C10orf90: variants seen among roughly 807,000 people sequenced by gnomAD.
C10orf90 encodes the protein (E2-independent) E3 ubiquitin-conjugating enzyme FATS.
A neutral mutation model predicts 62.5 loss-of-function variants in C10orf90; 56 were observed. That is an observed-to-expected ratio of 0.90 (90% CI 0.72 to 1.12). C10orf90 has a LOEUF of 1.12. Among genes scored for constraint, C10orf90 ranks in the 50% most tolerant of loss-of-function variants. The pLI is 0.00. For synonymous variants in C10orf90, 386 were observed against 340.4 expected (o/e 1.13, Z -1.47); for missense variants, 970 against 880.4 (o/e 1.10, Z -1.29).
chr10:126,619,312 C>T (rs1226721000), intron 2 of C10orf90, among the ~76,000 whole-genome samples: 3 of 152,186 alleles, frequency 2.0e-5, no homozygotes, highest in Non-Finnish European at 2.9e-5. Flanking sequence ...GGAATATACA[C>T]GGGTGTTGAA....
intron 2 of C10orf90, among the ~76,000 whole-genome samples, chr10:126,637,176 T>A (rs1366873796): frequency 6.6e-6 from 1 of 152,134 alleles, no homozygotes; most frequent in African/African-American, 2.4e-5. Context: ...GACAGACTGA[T>A]GGAGTCAGAG....
At chr10:126,635,584 C>T (rs749077950) in intron 2 of C10orf90, among the ~76,000 whole-genome samples, 5 of 152,200 alleles carry the variant, frequency 3.3e-5, no homozygotes, top group South Asian at 2.1e-4. Flanking sequence ...TCCAGATTAA[C>T]GAGATGCAAT....
chr10:126,536,666 C>T (rs972829041), intron 2 of C10orf90, among the ~76,000 whole-genome samples: 1 of 152,182 alleles, frequency 6.6e-6, no homozygotes, highest in East Asian at 1.9e-4. Context: ...CTTCCATGAA[C>T]CAGTGAGGAA....
intron 2 of C10orf90, among the ~76,000 whole-genome samples, chr10:126,619,407 A>G (rs903452635): frequency 6.6e-6 from 1 of 152,176 alleles, no homozygotes; most frequent in Admixed American, 6.5e-5. Context: ...TTACTCCTTC[A>G]AGCAATGCAT....
chr10:126,471,477 T>C (rs1233871273), intron 4 of C10orf90, among the ~76,000 whole-genome samples: 1 of 152,166 alleles, frequency 6.6e-6, no homozygotes, highest in African/African-American at 2.4e-5. Flanking sequence ...GGTAGTGATA[T>C]GTGAGAAAAG....
At chr10:126,570,431 GCA>G (rs1295186157) in intron 2 of C10orf90, among the ~76,000 whole-genome samples, 1 of 152,158 alleles carries the variant, frequency 6.6e-6, no homozygotes, top group East Asian at 1.9e-4. Flanking sequence ...GACCCAGTTA[GCA>G]CAGTTTTACT....
chr10:126,435,857 A>T (rs924352803), intron 7 of C10orf90, among the ~76,000 whole-genome samples: 2 of 152,130 alleles, frequency 1.3e-5, no homozygotes, highest in Non-Finnish European at 2.9e-5. Flanking sequence ...CAAGTGGCAC[A>T]TGAACTCCTG....
chr10:126,604,886 G>C (rs1845274428), intron 2 of C10orf90, among the ~76,000 whole-genome samples: 1 of 152,146 alleles, frequency 6.6e-6, no homozygotes, highest in Non-Finnish European at 1.5e-5. Context: ...TTCCATTAAT[G>C]GATCTTGGGA....
At chr10:126,494,375 A>G (rs1401698316) in intron 4 of C10orf90, among the ~76,000 whole-genome samples, 1 of 152,162 alleles carries the variant, frequency 6.6e-6, no homozygotes, top group Non-Finnish European at 1.5e-5. Flanking sequence ...TATTTGCAAG[A>G]TATGGGCCTC....
At chr10:126,459,317 C>T (rs1859796621) in intron 6 of C10orf90, 100 bp from the exon 7 acceptor site, 1 of 1,366,780 alleles carries the variant, frequency 7.3e-7, no homozygotes, top group Non-Finnish European at 1.0e-6. Context: ...AAGCACAACA[C>T]TCAGAGACCA....
rs762069472 is a variant in C10orf90, at chr10:126,504,945, C to A, written c.546G>T (p.Lys182Asn). ...AIAQSRAHHA[K>N]QSLANRSGVN... is the part of the protein sequence containing the mutation. ...CTCCGCTGCGGTTAGCCAGAGATTGCTTGGCGTGATGTGCACGAGACTGAG... is the reference window on the plus strand; with the variant it reads ...CTCCGCTGCGGTTAGCCAGAGATTGATTGGCGTGATGTGCACGAGACTGAG... Residue 182 changes from lysine to asparagine, a missense_variant, in exon 4 of 10, where the codon AAG becomes AAT. Coordinates refer to ENST00000488181, the MANE Select transcript of C10orf90 (RefSeq NM_001350921.2). This position sits in a 1 kb window ranked among gnomAD's most constrained non-coding sequence, Gnocchi z 4.1. 11 of 1,614,104 alleles carry A rather than the reference C, an allele frequency of 6.8e-6. No individual in the cohort carries two copies. Among genetic ancestry groups the A allele is most frequent in the Non-Finnish European group, 9.3e-6 (11 of 1,180,046 alleles).
At chr10:126,557,982 C>A (rs540270649) in intron 2 of C10orf90, among the ~76,000 whole-genome samples, 1 of 152,218 alleles carries the variant, frequency 6.6e-6, no homozygotes, top group Admixed American at 6.5e-5. Flanking sequence ...CACTCCTCTC[C>A]CAGCCAATGA....
At chr10:126,526,853 C>A (rs2133950032) in intron 2 of C10orf90, among the ~76,000 whole-genome samples, 1 of 152,266 alleles carries the variant, frequency 6.6e-6, no homozygotes, top group South Asian at 2.1e-4. Context: ...TTCTGCTTAT[C>A]ATAATGCTTT....
chr10:126,484,265 A>C (rs919739968), intron 4 of C10orf90, among the ~76,000 whole-genome samples: 12 of 152,200 alleles, frequency 7.9e-5, no homozygotes, highest in Non-Finnish European at 1.5e-5. Flanking sequence ...CAACTACCGC[A>C]ATTCTCTAAA....
chr10:126,565,628 G>A (rs933865892), intron 2 of C10orf90, among the ~76,000 whole-genome samples: 1 of 151,356 alleles, frequency 6.6e-6, no homozygotes, highest in East Asian at 2.0e-4. Flanking sequence ...CTGCACTTGT[G>A]GTAGCTTAAG....
At position 126,456,398 on chromosome 10, in the gene C10orf90, C is replaced by A. The variant is rs893122958; in HGVS notation, c.2188+2642G>T. 1.3e-5 allele frequency among the ~76,000 whole-genome samples: 2 copies of A among 152,118 alleles called. No individual in the cohort carries two copies. The highest frequency in any genetic ancestry group is 2.4e-5 in the African/African-American group (1 of 41,426). ...TCCCACTTTGAGAGCATGCTGCTTG[C>A]CAGGACTGTCTTGGAATGTGGGGAG... On this transcript the variant is annotated intron_variant, in intron 7 of 9. Coordinates refer to ENST00000488181, the MANE Select transcript of C10orf90 (RefSeq NM_001350921.2). The surrounding 1 kb of genome is among the most constrained non-coding windows in gnomAD (Gnocchi z 4.9).
chr10:126,463,446 G>A (rs1860113602), intron 5 of C10orf90: 1 of 152,222 alleles, frequency 6.6e-6, no homozygotes, highest in African/African-American at 2.4e-5. Context: ...TCAAAGGCTT[G>A]GCTCTGCCTT....
chr10:126,565,405 T>TATA (rs1554917358), intron 2 of C10orf90, among the ~76,000 whole-genome samples: 1 of 27,550 alleles, frequency 3.6e-5, no homozygotes, highest in Non-Finnish European at 8.1e-5. Flanking sequence ...TTATATTATA[T>TATA]ATAATATATA....
intron 2 of C10orf90, among the ~76,000 whole-genome samples, chr10:126,608,360 C>T (rs1000615908): frequency 1.3e-5 from 2 of 152,178 alleles, no homozygotes; most frequent in South Asian, 4.1e-4. Flanking sequence ...GATCTTCCCT[C>T]CTCAGCCTCC....
Sources: gnomAD v4.1 joint callset for allele counts (sites outside exome capture counted in the v4.1 genomes callset) on GRCh38, gnomAD v4.1.1 for gene constraint, Gnocchi (gnomAD v3.1) non-coding constraint, MANE v1.5 for transcripts, NCBI Gene and HGNC (gene_info 2026-07-23, HGNC 2026-07-21) for gene names.